SEMA4D: variants seen among roughly 807,000 people sequenced by gnomAD.
The protein encoded by SEMA4D is semaphorin-4D.
In SEMA4D, 22 loss-of-function variants were observed where a neutral mutation model predicts 74.8. That is an observed-to-expected ratio of 0.29 (90% CI 0.21 to 0.42). SEMA4D has a LOEUF of 0.42. Among genes scored for constraint, SEMA4D ranks in the 10% least tolerant of loss-of-function variants. SEMA4D has a pLI of 1.00. For synonymous variants in SEMA4D, 445 were observed against 463.7 expected, an observed-to-expected ratio of 0.96 and a Z score of 0.52; for missense variants, 937 against 1,118.4, an observed-to-expected ratio of 0.84 and a Z score of 2.31.
At chr9:89,444,441 C>T (rs763122322) in intron 2 of SEMA4D, among the ~76,000 whole-genome samples, 39 of 152,318 alleles carry the variant, frequency 2.6e-4, no homozygotes, top group African/African-American at 4.8e-4. Context: ...CCGCTACTGA[C>T]GGGATGTGGG....
At chr9:89,455,414 C>T (rs1588025618) in intron 2 of SEMA4D, among the ~76,000 whole-genome samples, 1 of 152,328 alleles carries the variant, frequency 6.6e-6, no homozygotes, top group East Asian at 1.9e-4. Flanking sequence ...AGAAGAGAAG[C>T]AACTGCCCAC....
chr9:89,372,357 TGTGTCTGGGATGTG>T (rs1434046901), downstream of SEMA4D, among the ~76,000 whole-genome samples: 4 of 114,822 alleles, frequency 3.5e-5, no homozygotes, highest in African/African-American at 1.4e-4. Context: ...TGGTGTGGTG[TGTGTCTGGGATGTG>T]GTGTCTGGGG....
chr9:89,471,619 CAGGTGCATACAGGCTG>C (rs1455888516), intron 1 of SEMA4D, among the ~76,000 whole-genome samples: 1 of 141,546 alleles, frequency 7.1e-6, no homozygotes, highest in Admixed American at 7.0e-5. Flanking sequence ...CACGCCAGCT[CAGGTGCATACAGGCTG>C]AGGTGCATGC....
Position 89,381,029 on chromosome 9 carries a change from A to T in SEMA4D, c.1663+26T>A. ...TACAAGACCTCGCCACTCCCAAAGG[A>T]AATGGGACGTCGAGGAGTCACTCAC... On this transcript the variant is annotated intron_variant, in intron 15 of 15. Transcript: ENST00000422704. This position sits in a 1 kb window ranked among gnomAD's most constrained non-coding sequence, Gnocchi z 4.6. 2.5e-6 allele frequency: 4 copies of T among 1,613,420 alleles called. No individual in the cohort carries two copies. Among genetic ancestry groups the T allele is most frequent in the Non-Finnish European group, 3.4e-6 (4 of 1,179,438 alleles).
chr9:89,396,717 G>T lies in SEMA4D; in HGVS notation c.414+20C>A. The T allele has an allele frequency of 6.3e-7, 1 of 1,599,642 alleles. No individual in the cohort carries two copies. Among genetic ancestry groups the T allele is most frequent in the East Asian group, 2.2e-5 (1 of 44,548 alleles). ...CTGACCAGGCTGGCGTGAGCACAGGGAGGTGCCCATCAGCCTTACCAGGTG... is the reference window on the plus strand; with the variant it reads ...CTGACCAGGCTGGCGTGAGCACAGGTAGGTGCCCATCAGCCTTACCAGGTG... On this transcript the variant is annotated intron_variant, in intron 6 of 15. Coordinates refer to ENST00000422704, the MANE Select transcript of SEMA4D (RefSeq NM_001371194.2).
chr9:89,362,629 C>T (rs2132170766), intron 18 of SEMA4D, among the ~76,000 whole-genome samples: 2 of 152,346 alleles, frequency 1.3e-5, no homozygotes, highest in Middle Eastern at 6.8e-3. Context: ...AGCAGCAGCG[C>T]ATTCACTCCA....
intron 2 of SEMA4D, among the ~76,000 whole-genome samples, chr9:89,423,285 G>A (rs1028620059): frequency 1.3e-5 from 2 of 151,622 alleles, no homozygotes; most frequent in African/African-American, 2.4e-5. Flanking sequence ...TCCACCTTCC[G>A]GGTTCAAGTG....
In SEMA4D at chr9:89,391,385, C is replaced by A; in HGVS notation, c.653G>T (p.Arg218Leu). Reference sequence around the variant, plus strand: ...GCCGTCGGGGCTGTCTGGGCTTTTTCGGATCACGTCAGCAAACACGAAACT... The same window carrying A: ...GCCGTCGGGGCTGTCTGGGCTTTTTAGGATCACGTCAGCAAACACGAAACT... ...EPSFVFADVI[R>L]KSPDSPDGED... The change falls in exon 9 of 16, where the codon CGA becomes CTA. Residue 218 changes from arginine (R) to leucine (L), a missense_variant. Arg to Leu is a moderately radical substitution (Grantham distance 102). Transcript: ENST00000422704. The A allele has an allele frequency of 1.2e-6, 2 of 1,614,242 alleles. No individual in the cohort carries two copies. Among genetic ancestry groups the A allele is most frequent in the Non-Finnish European group, 1.7e-6 (2 of 1,180,040 alleles).
intron 12 of SEMA4D, 125 bp downstream of exon 12, chr9:89,387,261 C>A: frequency 1.3e-6 from 1 of 789,774 alleles, no homozygotes; most frequent in South Asian, 1.9e-5. Context: ...TCCCACAAAC[C>A]TCCCAGGTCA....
Position 89,419,816 on chromosome 9 carries a change from C to A in SEMA4D, c.-243-14117G>T, listed in dbSNP as rs577216036. Among the ~76,000 whole-genome samples the A allele has an allele frequency of 7.9e-5, 12 of 152,150 alleles. No individual in the cohort carries two copies. In the South Asian group the frequency reaches 2.5e-3, roughly 32 times the overall value. On this transcript the variant is annotated intron_variant, in intron 2 of 15. Coordinates refer to ENST00000422704, the MANE Select transcript of SEMA4D (RefSeq NM_001371194.2). ...CCTGTCATCCCAGCTACTTGGGAGG[C>A]TGAGGCAGGAGAATCGCTTGAACTC...
chr9:89,414,768 C>G (rs1845339001), intron 2 of SEMA4D, among the ~76,000 whole-genome samples: 1 of 152,212 alleles, frequency 6.6e-6, no homozygotes, highest in Non-Finnish European at 1.5e-5. Context: ...ATGCCTAGCC[C>G]TGGACCTGTG....
intron 1 of SEMA4D, among the ~76,000 whole-genome samples, chr9:89,457,838 C>T (rs1856305653): frequency 6.6e-6 from 1 of 151,836 alleles, no homozygotes; most frequent in Non-Finnish European, 1.5e-5. Flanking sequence ...TCGAGACCAT[C>T]CTAGCTAACA....
chr9:89,377,119 C>A, downstream of SEMA4D: 1 of 1,472,026 alleles, frequency 6.8e-7, no homozygotes, highest in South Asian at 1.4e-5. Flanking sequence ...CGTCACAGGC[C>A]AGAGAGGGCA....
intron 2 of SEMA4D, chr9:89,406,031 G>T: frequency 1.4e-6 from 1 of 721,468 alleles, no homozygotes; most frequent in Non-Finnish European, 1.7e-6. Context: ...TGGCTGCTGT[G>T]TCCAGCTGGT....
chr9:89,471,469 A>G (rs1438796390), intron 1 of SEMA4D, among the ~76,000 whole-genome samples: 2 of 152,228 alleles, frequency 1.3e-5, no homozygotes, highest in East Asian at 3.8e-4. Flanking sequence ...AAAAAGCAAA[A>G]AGCTAAAGTC....
intron 2 of SEMA4D, among the ~76,000 whole-genome samples, chr9:89,413,522 G>A (rs543925701): frequency 2.2e-4 from 33 of 152,314 alleles, no homozygotes; most frequent in East Asian, 1.4e-3. Context: ...ACATGAACCC[G>A]CATAGATATG....
At position 89,362,339 on chromosome 9, in the gene SEMA4D, G is replaced by C. The variant is rs79005557; in HGVS notation, c.*63C>G. 1.3e-3 allele frequency: 2,163 copies of C among 1,613,926 alleles called. 25 individuals are homozygous for C. In the African/African-American group the frequency reaches 0.025, roughly 19 times the overall value. Reference sequence around the variant, plus strand: ...GACCAGGCCTTCTCCGGGGGTGGCTGTGGTCAGTGGCAGCAGGGTCTTGTT... The same window carrying C: ...GACCAGGCCTTCTCCGGGGGTGGCTCTGGTCAGTGGCAGCAGGGTCTTGTT... On this transcript the variant is annotated 3_prime_UTR_variant, in exon 19 of 19. Transcript: ENST00000339861.
At chr9:89,486,561 T>C (rs1010982788) in intron 1 of SEMA4D, among the ~76,000 whole-genome samples, 14 of 152,154 alleles carry the variant, frequency 9.2e-5, no homozygotes, top group African/African-American at 3.4e-4. Context: ...AAAATCTTCA[T>C]AGTCCTATGT....
chr9:89,408,499 C>T (rs1484427192), intron 2 of SEMA4D, among the ~76,000 whole-genome samples: 1 of 152,246 alleles, frequency 6.6e-6, no homozygotes, highest in Non-Finnish European at 1.5e-5. Flanking sequence ...GAGCAATGAT[C>T]CCCTGGCATT....
Sources: gnomAD v4.1 joint callset for allele counts (sites outside exome capture counted in the v4.1 genomes callset) on GRCh38, gnomAD v4.1.1 for gene constraint, Gnocchi (gnomAD v3.1) non-coding constraint, MANE v1.5 for transcripts, NCBI Gene and HGNC (gene_info 2026-07-23, HGNC 2026-07-21) for gene names.